The following CACNA2D3 variants were observed in gnomAD, a reference collection of about 807,000 sequenced individuals.
The protein encoded by CACNA2D3 is calcium voltage-gated channel auxiliary subunit alpha2delta 3.
Under a neutral mutation model 160.6 loss-of-function variants are expected in CACNA2D3, and 60 were observed. That is an observed-to-expected ratio of 0.37 (90% CI 0.30 to 0.46). The LOEUF (loss-of-function observed/expected upper bound fraction) is 0.46. CACNA2D3 is among the 20% of genes least tolerant of loss of function. CACNA2D3 has a pLI of 1.00. For synonymous variants in CACNA2D3, 558 were observed against 492.9 expected (o/e 1.13, Z -1.75); for missense variants, 1,205 against 1,365.0 (o/e 0.88, Z 1.85).
chr3:54,924,910 G>A (rs774161648), intron 27 of CACNA2D3: 6 of 1,613,446 alleles, frequency 3.7e-6, no homozygotes, highest in Non-Finnish European at 5.1e-6. Flanking sequence ...TTCTGGGTTA[G>A]ATTTAAAACC....
chr3:54,762,496 C>G (rs1702097687), intron 12 of CACNA2D3, among the ~76,000 whole-genome samples: 1 of 152,162 alleles, frequency 6.6e-6, no homozygotes, highest in African/African-American at 2.4e-5. Context: ...TCTGTTTACT[C>G]AGAACTGCCA....
At chr3:54,632,279 ATCT>A (rs1398694613) in intron 10 of CACNA2D3, 3 of 152,316 alleles carry the variant, frequency 2.0e-5, no homozygotes, top group South Asian at 2.1e-4. Context: ...TTATTCAGAT[ATCT>A]TCTTTTTTCC....
chr3:54,750,794 A>G (rs1293462823), intron 11 of CACNA2D3, among the ~76,000 whole-genome samples: 1 of 148,306 alleles, frequency 6.7e-6, no homozygotes, highest in Non-Finnish European at 1.5e-5. Context: ...TTTTTGACAT[A>G]GGCCCTCACT....
intron 27 of CACNA2D3, chr3:54,927,766 A>G (rs1353862173): frequency 4.4e-6 from 4 of 919,138 alleles, no homozygotes; most frequent in African/African-American, 1.6e-5. Context: ...AAATCATTCC[A>G]TGCAGAGACA....
At chr3:54,710,629 C>G (rs991272421) in intron 11 of CACNA2D3, among the ~76,000 whole-genome samples, 4 of 152,126 alleles carry the variant, frequency 2.6e-5, no homozygotes, top group African/African-American at 9.7e-5. Flanking sequence ...CACAGTCCTC[C>G]TGAGTACATA....
rs1394585969 is a variant in CACNA2D3 at position 54,563,065 on chromosome 3, T to C, written c.676+134T>C. 2.1e-5 allele frequency: 17 copies of C among 817,018 alleles called. No individual in the cohort carries two copies. In the South Asian group the frequency reaches 2.4e-4, roughly 12 times the overall value. 50.6% of individuals were successfully genotyped at this position (817,018 alleles called of 1,614,324 possible). A position where few individuals can be genotyped will look rare whatever the true frequency, so the allele number is the denominator to read the frequency against. On this transcript the variant is annotated intron_variant, in intron 6 of 37. Coordinates refer to ENST00000474759, the MANE Select transcript of CACNA2D3 (RefSeq NM_018398.3). ...AATGAAAGATGAATTCCAAACCTATTGTCAGGGTGCAGGACAGGAATGGCA... is the reference window on the plus strand; with the variant it reads ...AATGAAAGATGAATTCCAAACCTATCGTCAGGGTGCAGGACAGGAATGGCA...
chr3:54,445,270 A>G (rs1700203437), intron 4 of CACNA2D3, among the ~76,000 whole-genome samples: 1 of 152,236 alleles, frequency 6.6e-6, no homozygotes, highest in Admixed American at 6.5e-5. Context: ...CCAGATTTGG[A>G]AACGAACCAT....
chr3:54,701,417 T>C (rs1404206064), intron 11 of CACNA2D3, among the ~76,000 whole-genome samples: 1 of 152,202 alleles, frequency 6.6e-6, no homozygotes, highest in Non-Finnish European at 1.5e-5. Context: ...TCTCTATATC[T>C]AATATATCTA....
intron 8 of CACNA2D3, among the ~76,000 whole-genome samples, chr3:54,575,100 A>G (rs931726016): frequency 1.3e-5 from 2 of 152,220 alleles, no homozygotes; most frequent in Non-Finnish European, 2.9e-5. Flanking sequence ...TTGTAATGCA[A>G]AAGATCCCTA....
chr3:54,326,845 A>G (rs977005100), intron 3 of CACNA2D3, among the ~76,000 whole-genome samples: 1 of 152,208 alleles, frequency 6.6e-6, no homozygotes, highest in Non-Finnish European at 1.5e-5. Context: ...AAAGAGCAGT[A>G]CATTTGTTTC....
chr3:54,206,336 A>G (rs1377223095), intron 2 of CACNA2D3, among the ~76,000 whole-genome samples: 1 of 152,196 alleles, frequency 6.6e-6, no homozygotes, highest in Non-Finnish European at 1.5e-5. Flanking sequence ...GATGAGGTCA[A>G]ACAGGTTTAA....
rs576322086 is a variant in CACNA2D3 at position 54,291,507 on chromosome 3, G to T, written c.205-28935G>T. On this transcript the variant is annotated intron_variant, in intron 2 of 37. Transcript: ENST00000474759. ...ACCTCTTGTCATTTTTGCTGTTGAT[G>T]TTTGGTGGTAACTGAATTATCTGAG... Among the ~76,000 whole-genome samples the T allele has an allele frequency of 3.2e-4, 49 of 152,244 alleles. 1 individual carries two copies. The highest frequency in any genetic ancestry group is 2.9e-3 in the Admixed American group (45 of 15,280).
At chr3:54,958,579 T>TA (rs1294505893) in intron 27 of CACNA2D3, among the ~76,000 whole-genome samples, 1 of 152,174 alleles carries the variant, frequency 6.6e-6, no homozygotes, top group Non-Finnish European at 1.5e-5. Flanking sequence ...GTCTCCTGAG[T>TA]AAAGCAATAG....
intron 4 of CACNA2D3, among the ~76,000 whole-genome samples, chr3:54,417,589 C>A (rs370991274): frequency 5.9e-5 from 9 of 152,236 alleles, no homozygotes; most frequent in African/African-American, 2.2e-4. Context: ...TAGCATTATC[C>A]TAAGGGAAAT....
chr3:54,375,213 C>T (rs992447484), intron 3 of CACNA2D3, among the ~76,000 whole-genome samples: 1 of 152,134 alleles, frequency 6.6e-6, no homozygotes, highest in South Asian at 2.1e-4. Flanking sequence ...CCTGTTAGAG[C>T]CTTTATCATG....
chr3:54,876,327 G>A (rs1699657074), intron 18 of CACNA2D3: 1 of 152,124 alleles, frequency 6.6e-6, no homozygotes, highest in African/African-American at 2.4e-5. Flanking sequence ...ATAAAAAAGT[G>A]ACATTTCTAG....
intron 17 of CACNA2D3, among the ~76,000 whole-genome samples, chr3:54,867,296 G>A (rs1346706732): frequency 6.6e-6 from 1 of 152,144 alleles, no homozygotes; most frequent in Admixed American, 6.5e-5. Context: ...GCGAGGGGGA[G>A]TAGGCAAGGA....
At chr3:54,678,615 G>A (rs1266029750) in intron 11 of CACNA2D3, among the ~76,000 whole-genome samples, 2 of 150,004 alleles carry the variant, frequency 1.3e-5, no homozygotes, top group African/African-American at 4.9e-5. Flanking sequence ...CAGCCACTTG[G>A]GAGGCTGAGG....
At chr3:54,760,884 T>G (rs1702068635) in intron 12 of CACNA2D3, among the ~76,000 whole-genome samples, 1 of 152,184 alleles carries the variant, frequency 6.6e-6, no homozygotes, top group East Asian at 1.9e-4. Context: ...TTGGATGCAT[T>G]CGGCCTGAGA....
Sources: allele counts gnomAD v4.1 joint callset (sites outside exome capture counted in the v4.1 genomes callset), GRCh38; gene constraint gnomAD v4.1.1; transcripts MANE v1.5; gene names NCBI Gene and HGNC (gene_info 2026-07-23, HGNC 2026-07-21).